Variants in CYP4A11 observed in about 807,000 individuals in gnomAD.
CYP4A11 encodes the protein cytochrome P450 4A11.
In CYP4A11, 52 loss-of-function variants were observed where a neutral mutation model predicts 57.7. The observed-to-expected ratio is 0.90, with a 90% CI of 0.72 to 1.14. The LOEUF is 1.14. CYP4A11 is among the 50% of genes most tolerant of loss of function. CYP4A11 has a pLI of 0.00. For missense variants in CYP4A11, 641 were observed against 642.1 expected (o/e 1.00, Z 0.02); for synonymous variants, 228 against 247.1 (o/e 0.92, Z 0.72).
rs544981813 is a variant in CYP4A11, at chr1:46,935,790, C to T, written c.511-143G>A. On this transcript the variant is annotated intron_variant, in intron 4 of 11. Transcript: ENST00000310638. ...GGTTGGGATTCCTCACTTTACAGAG[C>T]AGATGCATTGTAGAAACTGAGACTG... The T allele has an allele frequency of 8.7e-6, 13 of 1,489,234 alleles. No individual in the cohort carries two copies. The South Asian group carries it at 1.8e-4, about 21-fold the overall frequency. The allele number at this position is 1,489,234 out of a possible 1,614,324, so 92.3% of individuals were successfully genotyped here. A position where few individuals can be genotyped will look rare whatever the true frequency, so the allele number is the denominator to read the frequency against.
Position 46,935,538 on chromosome 1 carries a change from C to A in CYP4A11, c.620G>T (p.Ser207Ile), listed in dbSNP as rs868672389. Residue 207 changes from serine (S) to isoleucine (I), a missense_variant, in exon 5 of 12, where the codon AGC (serine) becomes ATC (isoleucine). Ser to Ile is a moderately radical substitution (Grantham distance 142). Coordinates refer to ENST00000310638, the MANE Select transcript of CYP4A11 (RefSeq NM_000778.4). ...IMKCAFSHQG[S>I]IQVDRNSQSY... is the part of the protein sequence containing the mutation. ...TGTCACTGACCTGTCCACCTGGATG[C>A]TGCCCTGATGGCTGAAGGCACACTT... is the stretch of plus-strand genomic sequence containing the variant. 1 of 1,613,820 alleles carries A rather than the reference C, an allele frequency of 6.2e-7. No individual in the cohort carries two copies. Among genetic ancestry groups the A allele is most frequent in the African/African-American group, 1.3e-5 (1 of 74,918 alleles).
chr1:46,929,981 G>A lies in CYP4A11; in HGVS notation c.*134C>T, dbSNP rs1680910712. 8.4e-7 allele frequency: 1 copy of A among 1,186,520 alleles called. No individual in the cohort carries two copies. Among genetic ancestry groups the A allele is most frequent in the Admixed American group, 2.8e-5 (1 of 35,242 alleles). 73.5% of individuals were successfully genotyped at this position (1,186,520 alleles called of 1,614,324 possible). A position where few individuals can be genotyped will look rare whatever the true frequency, so the allele number is the denominator to read the frequency against. ...AGGGAGCCTGGAGAAAGGTGAGAGAGAGAAGGGCAGGCAGACTGGGGGACA... is the reference window on the plus strand; with the variant it reads ...AGGGAGCCTGGAGAAAGGTGAGAGAAAGAAGGGCAGGCAGACTGGGGGACA... On this transcript the variant is annotated 3_prime_UTR_variant, in exon 12 of 12. Transcript: ENST00000310638.
At chr1:46,933,364 C>T (rs957577257) in intron 9 of CYP4A11, among the ~76,000 whole-genome samples, 3 of 152,186 alleles carry the variant, frequency 2.0e-5, no homozygotes, top group Admixed American at 6.5e-5. Flanking sequence ...TGAACTCACT[C>T]AGTACAACAA....
chr1:46,936,765 G>A lies in CYP4A11; in HGVS notation c.409C>T (p.Gln137Ter). Residue 137 changes from glutamine (Q) to a stop codon, truncating the protein, a stop_gained, in exon 4 of 12, where the codon CAG becomes TAG. Transcript: ENST00000310638. LOFTEE classifies it high-confidence loss of function. ...IGYGLLLLNG[Q>*]TWFQHRRMLT... ...ATCCGTCGATGCTGGAACCATGTCT[G>A]CCCATTCAACAGGAGCAAGCCGTAC... 1.9e-6 allele frequency: 3 copies of A among 1,613,678 alleles called. No homozygotes were observed. The highest frequency in any genetic ancestry group is 2.5e-6 in the Non-Finnish European group (3 of 1,179,854).
chr1:46,931,679 GC>G, intron 11 of CYP4A11: 2 of 677,592 alleles, frequency 3.0e-6, no homozygotes, highest in African/African-American at 3.9e-5. Flanking sequence ...ACTTTCTCAT[GC>G]TGGGATAGAC....
intron 11 of CYP4A11, 160 bp downstream of exon 11, chr1:46,932,601 A>T (rs1037270906): frequency 8.5e-6 from 13 of 1,533,412 alleles, no homozygotes; most frequent in Non-Finnish European, 1.1e-5. Context: ...CCTTTTGTAC[A>T]CAGAGACGCC....
chr1:46,931,425 A>G, intron 11 of CYP4A11: 1 of 595,646 alleles, frequency 1.7e-6, no homozygotes, highest in Non-Finnish European at 2.1e-6. Context: ...AGCACAGGAT[A>G]TATTTCTGTA....
chr1:46,940,665 G>A, intron 1 of CYP4A11: 2 of 985,428 alleles, frequency 2.0e-6, no homozygotes, highest in Non-Finnish European at 2.4e-6. Flanking sequence ...AATTCCGTGA[G>A]TCTTGGGGAA....
In CYP4A11 at chr1:46,932,778, G is replaced by A. The variant is rs1681102944; in HGVS notation, c.1347C>T (p.Pro449=). ...CGTCTCACCTTGATCCTCCTGAGAA[G>A]GGCAGGAAAGCGTGGCTGTGTTGAG... is the stretch of plus-strand genomic sequence containing the variant. The part of the protein sequence containing the change: ...GSAQHSHAFL[P]FSGGSRNCIG... Residue 449 remains proline (P), a synonymous_variant, in exon 11 of 12, where the codon CCC becomes CCT. Coordinates refer to ENST00000310638, the MANE Select transcript of CYP4A11 (RefSeq NM_000778.4). 3 of 1,614,108 alleles carry A rather than the reference G, an allele frequency of 1.9e-6. No individual in the cohort carries two copies. The highest frequency in any genetic ancestry group is 2.5e-6 in the Non-Finnish European group (3 of 1,180,056).
chr1:46,930,655 A>G (rs1289920702), intron 11 of CYP4A11, among the ~76,000 whole-genome samples: 1 of 152,216 alleles, frequency 6.6e-6, no homozygotes, highest in East Asian at 1.9e-4. Flanking sequence ...TCACTCCTCC[A>G]CAAACATTTC....
Position 46,934,182 on chromosome 1 carries a change from A to G in CYP4A11, c.1082T>C (p.Ile361Thr). 1 of 1,613,878 alleles carries G rather than the reference A, an allele frequency of 6.2e-7. No homozygotes were observed. The highest frequency in any genetic ancestry group is 8.5e-7 in the Non-Finnish European group (1 of 1,179,912). ...IHSLLGDGAS[I>T]TWNHLDQMPY... Reference sequence around the variant, plus strand: ...CTTTTGAGCCCTCACTCACCAGGTGATGGAGGCTCCATCACCCAGGAGGCT... The same window carrying G: ...CTTTTGAGCCCTCACTCACCAGGTGGTGGAGGCTCCATCACCCAGGAGGCT... Residue 361 changes from isoleucine to threonine, a missense_variant, in exon 8 of 12, where the codon ATC becomes ACC. By Grantham distance (89) the Ile-to-Thr change is moderately conservative (BLOSUM62 -1). Transcript: ENST00000310638.
rs9333021 is a variant in CYP4A11, at chr1:46,931,683, G to A, written c.1364+1078C>T. On this transcript the variant is annotated intron_variant, in intron 11 of 11. Transcript: ENST00000310638. ...TGTTTAGGAGGACTTTCTCATGCTG[G>A]GATAGACAGACCAGTGCTGGAGAAG... 1,237 of 675,676 alleles carry A rather than the reference G, an allele frequency of 1.8e-3. 13 individuals carry two copies. The African/African-American group carries it at 0.021, about 11-fold the overall frequency. The allele number at this position is 675,676 out of a possible 1,614,324, so 41.9% of individuals were successfully genotyped here.
intron 1 of CYP4A11, among the ~76,000 whole-genome samples, chr1:46,940,519 G>A (rs902343372): frequency 9.9e-5 from 15 of 152,114 alleles, no homozygotes; most frequent in Admixed American, 2.0e-4. Flanking sequence ...TGGGAGGAGA[G>A]CCAGGAGGTC....
At chr1:46,936,592 G>A in intron 4 of CYP4A11, 72 bp downstream of exon 4, 1 of 1,503,044 alleles carries the variant, frequency 6.7e-7, no homozygotes, top group Non-Finnish European at 8.9e-7. Flanking sequence ...GTGGGACACA[G>A]GGTTGAGAGT....
At chr1:46,932,478 G>T (rs560894095) in intron 11 of CYP4A11, 1 of 1,295,422 alleles carries the variant, frequency 7.7e-7, no homozygotes, top group East Asian at 3.2e-5. Flanking sequence ...TTAAAGTGAG[G>T]AAAATACATG....
chr1:46,935,483 A>G, intron 5 of CYP4A11, 40 bp downstream of exon 5: 1 of 1,562,788 alleles, frequency 6.4e-7, no homozygotes, highest in Non-Finnish European at 8.6e-7. Flanking sequence ...ACTCCACTTG[A>G]TAAGAACAAG....
chr1:46,933,455 G>A (rs1211759873), intron 9 of CYP4A11, among the ~76,000 whole-genome samples: 2 of 152,178 alleles, frequency 1.3e-5, no homozygotes, highest in African/African-American at 4.8e-5. Flanking sequence ...TCTTGTCTAT[G>A]TTCACACAAC....
intron 4 of CYP4A11, 147 bp from the exon 5 acceptor site, chr1:46,935,794 T>C (rs2269232): frequency 0.75 from 1,103,431 of 1,475,232 alleles, 420,886 homozygotes; most frequent in Non-Finnish European, 0.79. Flanking sequence ...ACAGAGCAGA[T>C]GCATTGTAGA....
chr1:46,930,810 T>C (rs1680976632), intron 11 of CYP4A11, among the ~76,000 whole-genome samples: 1 of 152,070 alleles, frequency 6.6e-6, no homozygotes, highest in South Asian at 2.1e-4. Flanking sequence ...AGAAGGGCAG[T>C]GGGAGGCTTC....
Sources: gnomAD v4.1 joint callset for allele counts (sites outside exome capture counted in the v4.1 genomes callset) on GRCh38, gnomAD v4.1.1 for gene constraint, MANE v1.5 for transcripts, NCBI Gene and HGNC (gene_info 2026-07-23, HGNC 2026-07-21) for gene names.